CCDC138: variants seen among roughly 807,000 people sequenced by gnomAD.
CCDC138 encodes coiled-coil domain containing 138.
CCDC138 carries 66 observed loss-of-function variants against 82.3 expected under a neutral mutation model. The observed-to-expected ratio is 0.80, with a 90% confidence interval of 0.66 to 0.98. CCDC138 has a LOEUF of 0.98. CCDC138 is among the 50% of genes least tolerant of loss of function. The probability of loss-of-function intolerance (pLI) is 0.00; values close to 1 mark genes in which losing one functional copy is unlikely to be tolerated. For synonymous variants in CCDC138, 297 were observed against 265.4 expected, an observed-to-expected ratio of 1.12 and a Z score of -1.16; for missense variants, 816 against 758.9, an observed-to-expected ratio of 1.08 and a Z score of -0.88.
At chr2:108,878,725 G>T (rs190098593), downstream of CCDC138, among the ~76,000 whole-genome samples, 1 of 152,266 alleles carries the variant, frequency 6.6e-6, no homozygotes, top group African/African-American at 2.4e-5. Context: ...GTCTATCTTA[G>T]CCTTTGTTAA....
At chr2:108,808,042 A>G (rs928196659) in intron 7 of CCDC138, among the ~76,000 whole-genome samples, 6 of 152,196 alleles carry the variant, frequency 3.9e-5, no homozygotes, top group Admixed American at 1.3e-4. Context: ...TTTAGCTTCC[A>G]CATGAGTAAG....
intron 12 of CCDC138, among the ~76,000 whole-genome samples, chr2:108,849,146 A>G (rs1006006179): frequency 1.3e-5 from 2 of 152,224 alleles, no homozygotes; most frequent in Admixed American, 6.5e-5. Flanking sequence ...ACTGGGATAC[A>G]TAGCAATAGA....
chr2:108,798,958 G>T (rs918969010), intron 6 of CCDC138, among the ~76,000 whole-genome samples: 3 of 151,890 alleles, frequency 2.0e-5, no homozygotes, highest in African/African-American at 4.8e-5. Flanking sequence ...GACCATTAGC[G>T]CATATCAGGA....
At chr2:108,876,965 G>GGA (rs1467309487), downstream of CCDC138, among the ~76,000 whole-genome samples, 1 of 152,108 alleles carries the variant, frequency 6.6e-6, no homozygotes, top group East Asian at 1.9e-4. Context: ...TTGGGACTTA[G>GGA]GACAGGATAC....
intron 14 of CCDC138, 72 bp from the exon 15 acceptor site, chr2:108,876,016 T>C (rs1695975417): frequency 3.3e-6 from 3 of 918,842 alleles, no homozygotes; most frequent in South Asian, 2.2e-5. Flanking sequence ...ACACATAAAT[T>C]ATCTGTCAGT....
chr2:108,797,358 G>A (rs2149524203), intron 5 of CCDC138, among the ~76,000 whole-genome samples: 1 of 152,292 alleles, frequency 6.6e-6, no homozygotes, highest in South Asian at 2.1e-4. Flanking sequence ...AGAGACGGCA[G>A]TATAAAATGC....
At chr2:108,793,873 A>T (rs1480399061) in intron 4 of CCDC138, among the ~76,000 whole-genome samples, 3 of 151,794 alleles carry the variant, frequency 2.0e-5, no homozygotes, top group Non-Finnish European at 4.4e-5. Flanking sequence ...AAGTGCTGGG[A>T]TTATAGGCGT....
downstream of CCDC138, among the ~76,000 whole-genome samples, chr2:108,877,966 C>T (rs889363257): frequency 1.3e-5 from 2 of 152,122 alleles, no homozygotes; most frequent in Non-Finnish European, 2.9e-5. Context: ...ATTTTTAATC[C>T]AAGAATTTCT....
intron 12 of CCDC138, among the ~76,000 whole-genome samples, chr2:108,856,485 A>G (rs1298631541): frequency 6.6e-6 from 1 of 152,198 alleles, no homozygotes; most frequent in African/African-American, 2.4e-5. Context: ...TCAAATATGG[A>G]AAAATAAACA....
In CCDC138 at chr2:108,811,245, C is replaced by CTTTTTTTTTTTTTTTT. The variant is rs144518921; in HGVS notation, c.856-1385_856-1384insTTTTTTTTTTTTTTTT. On this transcript the variant is annotated intron_variant, in intron 7 of 14. Transcript: ENST00000295124. ...CTCTCCCTTTTCTTTCTTTCTCTCT[C>CTTTTTTTTTTTTTTTT]TCTTTTTTTTTTTTTTTGACTGTCT... Among the ~76,000 whole-genome samples the CTTTTTTTTTTTTTTTT allele has an allele frequency of 9.1e-5, 10 of 109,628 alleles. 3 individuals are homozygous for CTTTTTTTTTTTTTTTT. The highest frequency in any genetic ancestry group is 2.1e-4 in the African/African-American group (5 of 23,840). 71.9% of individuals were successfully genotyped at this position (109,628 alleles called of 152,430 possible). A position where few individuals can be genotyped will look rare whatever the true frequency, so the allele number is the denominator to read the frequency against.
intron 10 of CCDC138, among the ~76,000 whole-genome samples, chr2:108,818,278 G>C (rs1162273140): frequency 6.6e-6 from 1 of 152,182 alleles, no homozygotes; most frequent in East Asian, 1.9e-4. Flanking sequence ...CTGTACTCCA[G>C]CCTGGGCAAC....
chr2:108,880,199 A>G (rs1424721967), downstream of CCDC138, among the ~76,000 whole-genome samples: 1 of 122,568 alleles, frequency 8.2e-6, no homozygotes, highest in Non-Finnish European at 1.7e-5. Context: ...CTTAAAAAAA[A>G]AAAACAACAA....
intron 5 of CCDC138, among the ~76,000 whole-genome samples, chr2:108,797,893 A>G (rs949421129): frequency 1.3e-5 from 2 of 151,846 alleles, no homozygotes; most frequent in Non-Finnish European, 2.9e-5. Context: ...AGATTTTTGG[A>G]CTGCATTGAG....
intron 10 of CCDC138, among the ~76,000 whole-genome samples, chr2:108,821,182 AC>A (rs1284754628): frequency 2.0e-5 from 3 of 151,972 alleles, no homozygotes; most frequent in Non-Finnish European, 4.4e-5. Flanking sequence ...ACATGGTGAA[AC>A]CCCATCTCTA....
intron 7 of CCDC138, among the ~76,000 whole-genome samples, chr2:108,809,295 T>C (rs1018672239): frequency 1.3e-5 from 2 of 152,188 alleles, no homozygotes; most frequent in African/African-American, 4.8e-5. Context: ...CTTTCGCTTA[T>C]TTGGGGTCTT....
At chr2:108,857,010 G>A (rs1330088653) in intron 13 of CCDC138, 40 bp downstream of exon 13, 1 of 954,526 alleles carries the variant, frequency 1.0e-6, no homozygotes, top group East Asian at 5.6e-5. Flanking sequence ...AAAGCAGGAT[G>A]ATTTTTCTGT....
At chr2:108,792,915 T>G (rs1430696342) in intron 4 of CCDC138, among the ~76,000 whole-genome samples, 1 of 135,772 alleles carries the variant, frequency 7.4e-6, no homozygotes, top group Non-Finnish European at 1.6e-5. Context: ...ATACAAAAAA[T>G]TAGCCAGGCA....
chr2:108,858,343 C>T (rs181951664), intron 13 of CCDC138, among the ~76,000 whole-genome samples: 1 of 151,860 alleles, frequency 6.6e-6, no homozygotes, highest in East Asian at 1.9e-4. Flanking sequence ...GTCTCCGTCT[C>T]AAAAACAAAC....
rs190292015 is a variant in CCDC138, at chr2:108,788,664, G to T, written c.152-188G>T. Among the ~76,000 whole-genome samples the T allele has an allele frequency of 4.7e-4, 71 of 152,228 alleles. 1 individual carries two copies. The highest frequency in any genetic ancestry group is 1.6e-3 in the African/African-American group (66 of 41,548). On this transcript the variant is annotated intron_variant, in intron 2 of 14. Coordinates refer to ENST00000295124, the MANE Select transcript of CCDC138 (RefSeq NM_144978.3). ...GAACCCGGGAGACGGAGCTTGCAGTGAGCCGAGATTGCGCCACTGCACTCC... is the reference window on the plus strand; with the variant it reads ...GAACCCGGGAGACGGAGCTTGCAGTTAGCCGAGATTGCGCCACTGCACTCC...
Sources: allele counts gnomAD v4.1 joint callset (sites outside exome capture counted in the v4.1 genomes callset), GRCh38; gene constraint gnomAD v4.1.1; transcripts MANE v1.5; gene names NCBI Gene and HGNC (gene_info 2026-07-23, HGNC 2026-07-21).